The following CISH variants were observed in gnomAD, a reference collection of about 807,000 sequenced individuals.
CISH encodes the protein cytokine-inducible SH2-containing protein.
A neutral mutation model predicts 21.3 loss-of-function variants in CISH; 11 were observed. That is an observed-to-expected ratio of 0.52 (90% confidence interval 0.32 to 0.85). The LOEUF (loss-of-function observed/expected upper bound fraction) is 0.85, where lower values mean the gene tolerates loss of function less well. CISH is among the 40% of genes least tolerant of loss of function. The pLI is 0.03. For synonymous variants in CISH, 118 were observed against 142.3 expected (o/e 0.83, Z 1.22); for missense variants, 280 against 351.7 (o/e 0.80, Z 1.63).
At chr3:50,610,573 G>A (rs2032294250) in intron 1 of CISH, 4 of 1,500,906 alleles carry the variant, frequency 2.7e-6, no homozygotes, top group Non-Finnish European at 3.6e-6. Context: ...CGGAATGCAG[G>A]GGGAGGCTCC....
Position 50,611,369 on chromosome 3 carries a change from C to T in CISH, c.20+262G>A. 2 of 1,351,138 alleles carry T rather than the reference C, an allele frequency of 1.5e-6. 1 individual carries two copies. Among genetic ancestry groups the T allele is most frequent in the East Asian group, 6.3e-5 (2 of 31,696 alleles). The allele number at this position is 1,351,138 out of a possible 1,614,324, so 83.7% of individuals were successfully genotyped here. ...AGCATCCATCTGCTCCAATGAGAAC[C>T]CAGGCTGAGCCCACCCTGTGAGTTC... On this transcript the variant is annotated intron_variant, in intron 1 of 2. Coordinates refer to ENST00000348721, the MANE Select transcript of CISH (RefSeq NM_145071.4).
chr3:50,608,059 T>C lies in CISH; in HGVS notation c.325A>G (p.Ser109Gly). ...GTGAACAGGTAGCTGGGGTGCGTGC[T>C]GTCACGTACTAAGAACGTGCCTTCT... is the stretch of plus-strand genomic sequence containing the variant. ...MPEGTFLVRD[S>G]THPSYLFTLS... The change falls in exon 3 of 3, where the codon AGC becomes GGC. Residue 109 changes from serine to glycine, a missense_variant. Ser to Gly is a moderately conservative substitution (Grantham distance 56). Coordinates refer to ENST00000348721, the MANE Select transcript of CISH (RefSeq NM_145071.4). 1.2e-6 allele frequency: 2 copies of C among 1,613,838 alleles called. No homozygotes were observed. The highest frequency in any genetic ancestry group is 1.3e-5 in the African/African-American group (1 of 75,044).
rs2032214679 is a variant in CISH at position 50,608,143 on chromosome 3, C to CT, written c.242-2dup. 6.3e-7 allele frequency: 1 copy of CT among 1,598,756 alleles called. No individual in the cohort carries two copies. The highest frequency in any genetic ancestry group is 1.3e-5 in the African/African-American group (1 of 74,740). On this transcript the variant is annotated splice_acceptor_variant, in intron 2 of 2. Coordinates refer to ENST00000348721, the MANE Select transcript of CISH (RefSeq NM_145071.4). LOFTEE classifies it high-confidence loss of function. ...GCCGTAATGGAACCCCAATACCAGCCTAGGCAAGTGCAGAGGGGGCCAAGG... is the reference window on the plus strand; with the variant it reads ...GCCGTAATGGAACCCCAATACCAGCCTTAGGCAAGTGCAGAGGGGGCCAAGG...
At chr3:50,610,860 A>G in intron 1 of CISH, 3 of 1,055,686 alleles carry the variant, frequency 2.8e-6, no homozygotes, top group Non-Finnish European at 3.4e-6. Context: ...CCAGCATCAG[A>G]CCCTTTGGTT....
chr3:50,611,758 G>A lies in CISH; in HGVS notation c.-108C>T. 2 of 1,371,248 alleles carry A rather than the reference G, an allele frequency of 1.5e-6. No homozygotes were observed. Among genetic ancestry groups the A allele is most frequent in the South Asian group, 1.6e-5 (1 of 60,624 alleles). 84.9% of individuals were successfully genotyped at this position (1,371,248 alleles called of 1,614,324 possible). A position where few individuals can be genotyped will look rare whatever the true frequency, so the allele number is the denominator to read the frequency against. ...GCTGGGTAGGCTCCCGGGGCGCGCG[G>A]GCGCAGGACAGGGACTGAGAGGCAG... On this transcript the variant is annotated 5_prime_UTR_variant, in exon 1 of 3. Transcript: ENST00000348721.
At chr3:50,610,267 C>G in intron 1 of CISH, 1 of 1,308,586 alleles carries the variant, frequency 7.6e-7, no homozygotes, top group South Asian at 1.3e-5. Flanking sequence ...ATAGCTTAGC[C>G]GGTCCTCAGA....
chr3:50,608,579 A>T lies in CISH; in HGVS notation c.35T>A (p.Leu12Gln). The change falls in exon 2 of 3, where the codon CTG becomes CAG. Residue 12 changes from leucine (L) to glutamine (Q), a missense_variant. Physicochemically the swap from Leu to Gln is moderately radical, Grantham distance 113 (BLOSUM62 -2). Transcript: ENST00000348721. ...VLCVQGPRPLLAVERTGQRPL... is the reference protein window; with the variant it reads ...VLCVQGPRPLQAVERTGQRPL... ...CCGCTGCCCAGTCCGCTCCACAGCC[A>T]GCAAAGGACGAGGTCTAGAAGGCAG... The T allele has an allele frequency of 6.5e-7, 1 of 1,535,118 alleles. No individual in the cohort carries two copies. Among genetic ancestry groups the T allele is most frequent in the South Asian group, 1.3e-5 (1 of 78,842 alleles).
intron 1 of CISH, chr3:50,609,289 G>C (rs945424175): frequency 3.3e-5 from 5 of 152,244 alleles, no homozygotes; most frequent in African/African-American, 1.2e-4. Context: ...GCACTGGCAA[G>C]TCTCACCTCC....
At chr3:50,608,805 G>T in intron 1 of CISH, 1 of 433,328 alleles carries the variant, frequency 2.3e-6, no homozygotes, top group Non-Finnish European at 4.1e-6. Flanking sequence ...TCCATGTGGG[G>T]ATCCTCTTTT....
rs1353703124 is a variant in CISH, at chr3:50,608,471, T to C, written c.143A>G (p.Glu48Gly). Residue 48 changes from glutamate to glycine, a missense_variant, in exon 2 of 3, where the codon GAG becomes GGG. Glu to Gly is a moderately conservative substitution (Grantham distance 98, BLOSUM62 -2). Coordinates refer to ENST00000348721, the MANE Select transcript of CISH (RefSeq NM_145071.4). ...PAGAFLEEVA[E>G]GTPAQTESEP... is the part of the protein sequence containing the mutation. ...ACTCTCTGTCTGGGCTGGGGTACCC[T>C]CTGCCACCTCCTCGAGGAAGGCCCC... 1 of 1,613,512 alleles carries C rather than the reference T, an allele frequency of 6.2e-7. No individual in the cohort carries two copies. Among genetic ancestry groups the C allele is most frequent in the Admixed American group, 1.7e-5 (1 of 59,956 alleles).
At chr3:50,610,651 G>T in intron 1 of CISH, 1 of 1,422,020 alleles carries the variant, frequency 7.0e-7, no homozygotes, top group South Asian at 1.5e-5. Flanking sequence ...GAAGGAACTT[G>T]CTGGAGACAG....
chr3:50,608,169 G>A (rs748585454), intron 2 of CISH, 27 bp from the exon 3 acceptor site: 2 of 1,576,412 alleles, frequency 1.3e-6, no homozygotes, highest in Non-Finnish European at 1.7e-6. Flanking sequence ...GGGGCCAAGG[G>A]ACATAGTGGA....
intron 1 of CISH, chr3:50,611,397 C>G: frequency 7.4e-7 from 1 of 1,359,832 alleles, no homozygotes; most frequent in Non-Finnish European, 9.4e-7. Context: ...GTGAGTTCCT[C>G]CTTTAGCCGG....
At chr3:50,611,415 C>T in intron 1 of CISH, 1 of 1,361,348 alleles carries the variant, frequency 7.3e-7, no homozygotes, top group East Asian at 3.1e-5. Flanking sequence ...CGGCCAGCCC[C>T]CGGTTTCCCA....
In CISH at chr3:50,607,325, G is replaced by C. The variant is rs1026577701; in HGVS notation, c.*282C>G. The C allele has an allele frequency of 6.6e-6, 3 of 455,020 alleles. No individual in the cohort carries two copies. The highest frequency in any genetic ancestry group is 7.0e-5 in the Admixed American group (2 of 28,410). 28.2% of individuals were successfully genotyped at this position (455,020 alleles called of 1,614,324 possible). A position where few individuals can be genotyped will look rare whatever the true frequency, so the allele number is the denominator to read the frequency against. ...GGGCAGGCAAGCGAGTGGAGGTCTG[G>C]GCCCAGCCCACAGGTGAGACAAGGT... On this transcript the variant is annotated 3_prime_UTR_variant, in exon 3 of 3. Coordinates refer to ENST00000348721, the MANE Select transcript of CISH (RefSeq NM_145071.4).
chr3:50,610,209 T>G lies in CISH; in HGVS notation c.20+1422A>C, dbSNP rs2032280109. 2.3e-5 allele frequency: 17 copies of G among 755,156 alleles called. 2 individuals carry two copies. The South Asian group carries it at 2.5e-4, about 11-fold the overall frequency. The allele number at this position is 755,156 out of a possible 1,614,324, so 46.8% of individuals were successfully genotyped here. A position where few individuals can be genotyped will look rare whatever the true frequency, so the allele number is the denominator to read the frequency against. On this transcript the variant is annotated intron_variant, in intron 1 of 2. Coordinates refer to ENST00000348721, the MANE Select transcript of CISH (RefSeq NM_145071.4). ...AGAGCTACCTTCCCAGGAGCATGGTTGGTGGCTAGCCAGTCAGGCTGGAAC... is the reference window on the plus strand; with the variant it reads ...AGAGCTACCTTCCCAGGAGCATGGTGGGTGGCTAGCCAGTCAGGCTGGAAC...
intron 1 of CISH, chr3:50,610,500 G>C: frequency 6.4e-7 from 1 of 1,550,888 alleles, no homozygotes; most frequent in Non-Finnish European, 8.7e-7. Flanking sequence ...ACACCCAACA[G>C]TAGCCCTGAG....
In CISH at chr3:50,608,569, C is replaced by T; in HGVS notation, c.45G>A (p.Glu15=). Residue 15 remains glutamate, a synonymous_variant, in exon 2 of 3, where the codon GAG becomes GAA. Transcript: ENST00000348721. ...CCCACAGGGGCCGCTGCCCAGTCCG[C>T]TCCACAGCCAGCAAAGGACGAGGTC... ...VQGPRPLLAV[E]RTGQRPLWAP... 1 of 1,549,198 alleles carries T rather than the reference C, an allele frequency of 6.5e-7. No homozygotes were observed. The highest frequency in any genetic ancestry group is 8.7e-7 in the Non-Finnish European group (1 of 1,150,950).
chr3:50,610,691 C>T (rs2032297817), intron 1 of CISH: 1 of 1,366,822 alleles, frequency 7.3e-7, no homozygotes, highest in Non-Finnish European at 9.5e-7. Flanking sequence ...CCAGCACCTC[C>T]ATGTCCTCTT....
Sources: allele counts gnomAD v4.1 joint callset, GRCh38; gene constraint gnomAD v4.1.1; transcripts MANE v1.5; gene names NCBI Gene and HGNC (gene_info 2026-07-23, HGNC 2026-07-21).